The following HERC2 variants were observed in gnomAD, a reference collection of about 807,000 sequenced individuals.
The protein encoded by HERC2 is HECT and RLD domain containing E3 ubiquitin protein ligase 2.
A neutral mutation model predicts 537.7 loss-of-function variants in HERC2; 102 were observed. The observed-to-expected ratio is 0.19, with a 90% CI of 0.16 to 0.22. The LOEUF (loss-of-function observed/expected upper bound fraction) is 0.22, where lower values mean the gene tolerates loss of function less well. Among genes scored for constraint, HERC2 ranks in the 10% least tolerant of loss-of-function variants. HERC2 has a pLI of 1.00. For synonymous variants in HERC2, 2,224 were observed against 2,466.2 expected (o/e 0.90, Z 2.91); for missense variants, 4,236 against 6,198.2 (o/e 0.68, Z 10.63).
At chr15:28,198,305 A>G in intron 50 of HERC2, 73 bp downstream of exon 50, 1 of 1,504,058 alleles carries the variant, frequency 6.6e-7, no homozygotes, top group East Asian at 2.3e-5. Flanking sequence ...GTGCTTGAAC[A>G]AAAAGAAATA....
chr15:28,232,643 AT>A (rs948917424), intron 30 of HERC2, among the ~76,000 whole-genome samples: 6 of 152,146 alleles, frequency 3.9e-5, no homozygotes, highest in African/African-American at 1.4e-4. Flanking sequence ...ATTTCTAAGC[AT>A]TTTTATTCAA....
At chr15:28,160,905 A>C (rs931425962) in intron 69 of HERC2, among the ~76,000 whole-genome samples, 3 of 152,202 alleles carry the variant, frequency 2.0e-5, no homozygotes, top group African/African-American at 7.2e-5. Flanking sequence ...TTTAAATCAA[A>C]GTTCTCATTC....
At chr15:28,162,385 AT>A (rs202023086) in intron 69 of HERC2, among the ~76,000 whole-genome samples, 8 of 151,292 alleles carry the variant, frequency 5.3e-5, no homozygotes, top group African/African-American at 9.7e-5. Flanking sequence ...ATAAGCAAGC[AT>A]TTTTTTTTCA....
At chr15:28,160,602 AG>A (rs981637551) in intron 69 of HERC2, among the ~76,000 whole-genome samples, 1 of 152,182 alleles carries the variant, frequency 6.6e-6, no homozygotes, top group African/African-American at 2.4e-5. Flanking sequence ...TTAGGGTGGG[AG>A]TGACCCAATT....
At chr15:28,207,634 CTG>C (rs2140387005) in intron 44 of HERC2, among the ~76,000 whole-genome samples, 1 of 152,202 alleles carries the variant, frequency 6.6e-6, no homozygotes, top group East Asian at 1.9e-4. Context: ...CTTTAGGACT[CTG>C]TTTGACACAG....
At position 28,317,769 on chromosome 15, in the gene HERC2, C is replaced by T. The variant is rs1157888729; in HGVS notation, c.72+3593G>A. Among the ~76,000 whole-genome samples the T allele has an allele frequency of 2.6e-5, 4 of 152,314 alleles. No individual in the cohort carries two copies. The East Asian group carries it at 5.8e-4, about 22-fold the overall frequency. ...AGAATGGCACAGAACTACGCACACA[C>T]ATTGTACCAACTTCAATTTCTGGGT... On this transcript the variant is annotated intron_variant, in intron 2 of 92. Coordinates refer to ENST00000261609, the MANE Select transcript of HERC2 (RefSeq NM_004667.6).
chr15:28,173,140 C>G (rs62008729), intron 65 of HERC2, among the ~76,000 whole-genome samples: 2 of 152,236 alleles, frequency 1.3e-5, no homozygotes, highest in East Asian at 3.9e-4. Flanking sequence ...TCTGGAACAT[C>G]CACTTTGCAA....
intron 89 of HERC2, 159 bp downstream of exon 89, chr15:28,115,262 ATTTTTTTT>A (rs11375781): frequency 5.2e-6 from 2 of 382,444 alleles, no homozygotes; most frequent in Admixed American, 4.3e-5. Context: ...TAGATGGTCT[ATTTTTTTT>A]TTTTTTTTTT....
intron 83 of HERC2, among the ~76,000 whole-genome samples, chr15:28,127,282 C>T (rs1005206017): frequency 2.6e-5 from 4 of 152,228 alleles, no homozygotes; most frequent in African/African-American, 7.2e-5. Context: ...GGAGGGCTTC[C>T]ACCCAGGTGC....
chr15:28,279,615 C>CCACACACACACACACACACACA (rs58447102), intron 5 of HERC2, among the ~76,000 whole-genome samples: 233 of 141,680 alleles, frequency 1.6e-3, no homozygotes, highest in African/African-American at 5.8e-3. Context: ...GACCCCATCT[C>CCACACACACACACACACACACA]CACACACACA....
In HERC2 at chr15:28,136,128, CT is replaced by C. The variant is rs879780554; in HGVS notation, c.12016-437del. ...ATATAAACCACAAGGGAAAAAACAC[CT>C]TTTTTTTTTTTAATCTAAGTGGGAA... On this transcript the variant is annotated intron_variant, in intron 78 of 92. Transcript: ENST00000261609. 6.1e-3 allele frequency among the ~76,000 whole-genome samples: 884 copies of C among 145,430 alleles called. 1 individual carries two copies. Among genetic ancestry groups the C allele is most frequent in the Middle Eastern group, 0.011 (3 of 280 alleles).
chr15:28,284,307 C>G (rs1463270904), intron 4 of HERC2, among the ~76,000 whole-genome samples: 3 of 151,718 alleles, frequency 2.0e-5, no homozygotes, highest in Admixed American at 2.0e-4. Flanking sequence ...AAGTAAACCA[C>G]AGAGAGCCAG....
intron 2 of HERC2, among the ~76,000 whole-genome samples, chr15:28,303,447 G>A (rs1344013722): frequency 6.6e-5 from 10 of 152,128 alleles, no homozygotes; most frequent in Non-Finnish European, 1.3e-4. Context: ...AAAAAGACCA[G>A]GAAGTGACTG....
intron 2 of HERC2, among the ~76,000 whole-genome samples, chr15:28,300,161 A>C (rs1464271489): frequency 6.6e-6 from 1 of 152,028 alleles, no homozygotes; most frequent in Non-Finnish European, 1.5e-5. Flanking sequence ...ATGACTACCT[A>C]CGGGGAAATG....
At chr15:28,283,138 G>A (rs1410181024) in intron 4 of HERC2, among the ~76,000 whole-genome samples, 1 of 149,522 alleles carries the variant, frequency 6.7e-6, no homozygotes, top group Non-Finnish European at 1.5e-5. Flanking sequence ...AGGTGGGGTT[G>A]AAACTGTACT....
At chr15:28,165,558 G>A (rs1177604098) in intron 68 of HERC2, among the ~76,000 whole-genome samples, 2 of 151,894 alleles carry the variant, frequency 1.3e-5, no homozygotes, top group African/African-American at 2.4e-5. Flanking sequence ...TTGAGAGGAT[G>A]AGGCAGGCAG....
At chr15:28,241,137 A>G (rs1435222537) in intron 23 of HERC2, among the ~76,000 whole-genome samples, 1 of 152,218 alleles carries the variant, frequency 6.6e-6, no homozygotes, top group Non-Finnish European at 1.5e-5. Context: ...ACAGATTGCA[A>G]ATAATATCTA....
chr15:28,123,955 T>C (rs1309497547), intron 85 of HERC2, 82 bp downstream of exon 85: 5 of 1,147,690 alleles, frequency 4.4e-6, no homozygotes, highest in African/African-American at 1.6e-5. Flanking sequence ...CTATGTGTTC[T>C]ATTCCCAGTA....
rs1259660838 is a variant in HERC2, at chr15:28,163,159, C to T, written c.10681G>A (p.Ala3561Thr). The T allele has an allele frequency of 1.2e-6, 2 of 1,613,202 alleles. No homozygotes were observed. The highest frequency in any genetic ancestry group is 1.7e-6 in the Non-Finnish European group (2 of 1,180,020). The change falls in exon 69 of 93, where the codon GCC becomes ACC. Residue 3561 changes from alanine (A) to threonine (T), a missense_variant. Ala to Thr is a moderately conservative substitution (Grantham distance 58). This residue lies in a region of HERC2 where 356 missense variants were observed against 450.9 expected (regional missense o/e 0.79). Coordinates refer to ENST00000261609, the MANE Select transcript of HERC2 (RefSeq NM_004667.6). ...AGCACATCCCTGCCCCTGTCCCCGG[C>T]CCGGCTGCACACTGACAGCTTGAGC... is the stretch of plus-strand genomic sequence containing the variant. ...DLLKLSVCSRAGDRGRDVLSA... is the reference protein window; with the variant it reads ...DLLKLSVCSRTGDRGRDVLSA...
Sources: gnomAD v4.1 joint callset for allele counts (sites outside exome capture counted in the v4.1 genomes callset) on GRCh38, gnomAD v4.1.1 for gene constraint, gnomAD v4.1.1 regional missense constraint, MANE v1.5 for transcripts, NCBI Gene and HGNC (gene_info 2026-07-23, HGNC 2026-07-21) for gene names.